PDS5B: variants seen among roughly 807,000 people sequenced by gnomAD.
PDS5B encodes sister chromatid cohesion protein PDS5 homolog B.
A neutral mutation model predicts 184.1 loss-of-function variants in PDS5B; 51 were observed. That is an observed-to-expected ratio of 0.28 (90% CI 0.22 to 0.35). The LOEUF is 0.35. PDS5B is among the 10% of genes least tolerant of loss of function. The pLI is 1.00. For synonymous variants in PDS5B, 566 were observed against 569.2 expected (o/e 0.99, Z 0.08); for missense variants, 1,180 against 1,723.3 (o/e 0.68, Z 5.58).
chr13:32,655,374 A>ATATATATATATATTT, intron 3 of PDS5B, among the ~76,000 whole-genome samples: 1 of 72,464 alleles, frequency 1.4e-5, no homozygotes, highest in African/African-American at 8.3e-5. Context: ...ATATATATAT[A>ATATATATATATATTT]TTTTTTTTTT....
At chr13:32,767,636 G>A (rs931897574) in intron 31 of PDS5B, among the ~76,000 whole-genome samples, 10 of 152,106 alleles carry the variant, frequency 6.6e-5, no homozygotes, top group African/African-American at 2.4e-4. Flanking sequence ...ACCTTTAAAA[G>A]AAATAGGGAG....
chr13:32,728,779 T>C (rs1952998633), intron 19 of PDS5B, among the ~76,000 whole-genome samples: 2 of 152,208 alleles, frequency 1.3e-5, no homozygotes. Flanking sequence ...CTTTAGCATA[T>C]TTATCTCTTC....
chr13:32,647,197 T>C (rs1950249665), intron 1 of PDS5B, among the ~76,000 whole-genome samples: 1 of 152,206 alleles, frequency 6.6e-6, no homozygotes, highest in Admixed American at 6.5e-5. Flanking sequence ...CTTCCATGAA[T>C]TGTAGGCTAC....
At chr13:32,590,827 T>G (rs2140457746) in intron 1 of PDS5B, among the ~76,000 whole-genome samples, 2 of 151,612 alleles carry the variant, frequency 1.3e-5, no homozygotes, top group South Asian at 4.2e-4. Flanking sequence ...GGGGTGAGAG[T>G]TGCAGGGGCA....
At chr13:32,652,321 C>T (rs1950386030) in intron 3 of PDS5B, 2 of 230,022 alleles carry the variant, frequency 8.7e-6, no homozygotes, top group Admixed American at 1.0e-4. Flanking sequence ...AGACCATGGC[C>T]ATTATTTAAA....
At chr13:32,670,485 C>T (rs1263749396) in intron 7 of PDS5B, among the ~76,000 whole-genome samples, 1 of 152,132 alleles carries the variant, frequency 6.6e-6, no homozygotes, top group Non-Finnish European at 1.5e-5. Context: ...GCCTTGGCCT[C>T]TCAAAGTGCT....
chr13:32,758,884 G>A (rs1954278702), intron 28 of PDS5B, among the ~76,000 whole-genome samples: 1 of 152,162 alleles, frequency 6.6e-6, no homozygotes, highest in Admixed American at 6.5e-5. Flanking sequence ...AGGTAGAAAT[G>A]TGATCAAAGC....
At chr13:32,679,792 A>G (rs1024400234) in intron 10 of PDS5B, among the ~76,000 whole-genome samples, 7 of 152,014 alleles carry the variant, frequency 4.6e-5, no homozygotes, top group African/African-American at 1.4e-4. Context: ...GCTCTACAGC[A>G]TTGACCTTAG....
intron 19 of PDS5B, among the ~76,000 whole-genome samples, chr13:32,720,054 T>C (rs1952617053): frequency 6.6e-6 from 1 of 152,212 alleles, no homozygotes; most frequent in African/African-American, 2.4e-5. Flanking sequence ...CGCCTTGGCC[T>C]CCCAAAGTGT....
intron 1 of PDS5B, among the ~76,000 whole-genome samples, chr13:32,607,335 C>T (rs975289752): frequency 3.9e-5 from 6 of 152,230 alleles, no homozygotes; most frequent in African/African-American, 1.2e-4. Context: ...ACTCTAGACC[C>T]TGTTTGCCTG....
At chr13:32,622,884 A>T (rs1288683542) in intron 1 of PDS5B, among the ~76,000 whole-genome samples, 1 of 152,236 alleles carries the variant, frequency 6.6e-6, no homozygotes, top group Non-Finnish European at 1.5e-5. Flanking sequence ...CAATATGCTG[A>T]GGCAACAGGT....
At chr13:32,613,583 G>T (rs550888042) in intron 1 of PDS5B, among the ~76,000 whole-genome samples, 148 of 152,174 alleles carry the variant, frequency 9.7e-4, no homozygotes, top group African/African-American at 3.4e-3. Flanking sequence ...TTTAAATTGG[G>T]TCATCTTTTT....
intron 19 of PDS5B, among the ~76,000 whole-genome samples, chr13:32,727,871 T>C (rs1323748240): frequency 1.3e-5 from 2 of 151,672 alleles, no homozygotes; most frequent in Non-Finnish European, 2.9e-5. Context: ...TTTTTTTTAA[T>C]CTATTCTCTC....
At chr13:32,750,407 C>T (rs1164148553) in intron 24 of PDS5B, among the ~76,000 whole-genome samples, 4 of 152,106 alleles carry the variant, frequency 2.6e-5, no homozygotes, top group Non-Finnish European at 4.4e-5. Context: ...AAATCTATAA[C>T]GGAGACTCCT....
intron 6 of PDS5B, among the ~76,000 whole-genome samples, chr13:32,661,608 AG>A (rs1186175625): frequency 1.3e-5 from 2 of 152,050 alleles, no homozygotes; most frequent in Non-Finnish European, 2.9e-5. Context: ...ATATTCAAGT[AG>A]AAGTTAGCTT....
intron 26 of PDS5B, among the ~76,000 whole-genome samples, chr13:32,757,208 TTC>T (rs1954213690): frequency 6.6e-6 from 1 of 152,148 alleles, no homozygotes; most frequent in Non-Finnish European, 1.5e-5. Context: ...TTCTAGCCAC[TTC>T]TTTCTGAGAA....
chr13:32,653,687 G>A (rs778585883), intron 3 of PDS5B, among the ~76,000 whole-genome samples: 3 of 152,192 alleles, frequency 2.0e-5, no homozygotes, highest in Non-Finnish European at 4.4e-5. Flanking sequence ...GAGACTTAAA[G>A]TAGATAACAT....
intron 19 of PDS5B, among the ~76,000 whole-genome samples, chr13:32,721,675 A>G: frequency 7.0e-6 from 1 of 143,456 alleles, no homozygotes; most frequent in African/African-American, 2.6e-5. Context: ...CCCACGTCCC[A>G]GATAGTGGGC....
chr13:32,632,363 T>C (rs2140577930), intron 1 of PDS5B, among the ~76,000 whole-genome samples: 2 of 152,286 alleles, frequency 1.3e-5, no homozygotes, highest in South Asian at 4.1e-4. Context: ...TGATCTTGAA[T>C]AGACATTTTT....
Sources: allele counts gnomAD v4.1 joint callset (sites outside exome capture counted in the v4.1 genomes callset), GRCh38; gene constraint gnomAD v4.1.1; transcripts MANE v1.5; gene names NCBI Gene and HGNC (gene_info 2026-07-23, HGNC 2026-07-21).